The following GALNT14 variants were observed in gnomAD, a reference collection of about 807,000 sequenced individuals.
GALNT14 encodes polypeptide N-acetylgalactosaminyltransferase 14, also known as UDP-GalNAc:polypeptide N-acetylgalactosaminyltransferase 14.
GALNT14 carries 60 observed loss-of-function variants against 77.5 expected under a neutral mutation model. The observed-to-expected ratio is 0.77, with a 90% CI of 0.63 to 0.96. The LOEUF is 0.96. Ranked by LOEUF, GALNT14 falls within the 40% of genes least tolerant of loss-of-function variation. The probability of loss-of-function intolerance (pLI) is 0.00; values close to 1 mark genes in which losing one functional copy is unlikely to be tolerated. For synonymous variants in GALNT14, 280 were observed against 281.7 expected (o/e 0.99, Z 0.06); for missense variants, 710 against 731.0 (o/e 0.97, Z 0.33).
At chr2:30,982,152 G>A (rs1186548515) in intron 2 of GALNT14, among the ~76,000 whole-genome samples, 1 of 152,132 alleles carries the variant, frequency 6.6e-6, no homozygotes, top group African/African-American at 2.4e-5. Context: ...GCAGGGAGAG[G>A]CAAATTTAAA....
chr2:30,990,915 C>T (rs1669658112), intron 2 of GALNT14, among the ~76,000 whole-genome samples: 1 of 152,150 alleles, frequency 6.6e-6, no homozygotes, highest in Admixed American at 6.5e-5. Context: ...GCTGTAATCC[C>T]AGCAGATCAC....
At chr2:31,033,165 C>G (rs1390577469) in intron 1 of GALNT14, among the ~76,000 whole-genome samples, 1 of 152,146 alleles carries the variant, frequency 6.6e-6, no homozygotes, top group Non-Finnish European at 1.5e-5. Flanking sequence ...CTGACAGACA[C>G]CCCAGGGTTT....
At chr2:30,995,768 G>A (rs762180559) in intron 1 of GALNT14, among the ~76,000 whole-genome samples, 2 of 152,134 alleles carry the variant, frequency 1.3e-5, no homozygotes, top group Non-Finnish European at 2.9e-5. Context: ...CCAAAGTGCT[G>A]GGATTACAGG....
the GALNT14 span, among the ~76,000 whole-genome samples, chr2:30,891,246 CT>C: frequency 6.6e-6 from 1 of 152,204 alleles, no homozygotes; most frequent in Non-Finnish European, 1.5e-5. Context: ...GCTCCAGCCA[CT>C]GAGATTCTGA....
chr2:31,032,455 T>C (rs895521451), intron 1 of GALNT14, among the ~76,000 whole-genome samples: 4 of 152,152 alleles, frequency 2.6e-5, no homozygotes, highest in African/African-American at 9.7e-5. Context: ...TATTTTTCAT[T>C]TCCAGGCTGC....
At chr2:31,000,020 A>G (rs997138589) in intron 1 of GALNT14, among the ~76,000 whole-genome samples, 15 of 152,216 alleles carry the variant, frequency 9.9e-5, no homozygotes, top group Non-Finnish European at 1.2e-4. Flanking sequence ...TGGTAAAGCC[A>G]TGGCCTAGCC....
intron 2 of GALNT14, among the ~76,000 whole-genome samples, chr2:30,988,779 A>G (rs1669480273): frequency 6.6e-6 from 1 of 152,194 alleles, no homozygotes; most frequent in African/African-American, 2.4e-5. Flanking sequence ...TCAGATCGCT[A>G]AACTCCACCC....
At chr2:31,074,820 T>C (rs1379486830) in intron 1 of GALNT14, among the ~76,000 whole-genome samples, 2 of 152,128 alleles carry the variant, frequency 1.3e-5, no homozygotes, top group African/African-American at 4.8e-5. Context: ...GTAGAGACAC[T>C]GACTCTCTTG....
At chr2:31,099,332 C>A (rs940142550) in intron 1 of GALNT14, among the ~76,000 whole-genome samples, 2 of 141,224 alleles carry the variant, frequency 1.4e-5, no homozygotes, top group African/African-American at 3.2e-5. Flanking sequence ...CTTTGGAACT[C>A]TTTATTTAAG....
At chr2:31,002,927 A>T (rs1670453246) in intron 1 of GALNT14, among the ~76,000 whole-genome samples, 1 of 152,162 alleles carries the variant, frequency 6.6e-6, no homozygotes, top group Admixed American at 6.5e-5. Flanking sequence ...ATTAGATAAG[A>T]TCTTCATTTT....
intron 1 of GALNT14, among the ~76,000 whole-genome samples, chr2:31,000,828 C>T (rs1414725811): frequency 6.6e-6 from 1 of 152,200 alleles, no homozygotes; most frequent in Admixed American, 6.5e-5. Context: ...GGTTTGGCCA[C>T]ATTGACATAT....
intron 12 of GALNT14, 50 bp downstream of exon 12, chr2:30,924,690 G>C: frequency 6.6e-7 from 1 of 1,516,624 alleles, no homozygotes; most frequent in Non-Finnish European, 9.1e-7. Flanking sequence ...CAAGCCAGCT[G>C]AGGGCCTCTG....
At chr2:31,001,683 C>T (rs929955511) in intron 1 of GALNT14, among the ~76,000 whole-genome samples, 1 of 151,806 alleles carries the variant, frequency 6.6e-6, no homozygotes, top group Non-Finnish European at 1.5e-5. Context: ...GACAAGTCTA[C>T]AATGTAAGAA....
At position 30,924,805 on chromosome 2, in the gene GALNT14, G is replaced by A; in HGVS notation, c.1170C>T (p.Asp390=). Reference sequence around the variant, plus strand: ...TCTGGCAGCGCAGATTCTTCCTCAGGTCCAATCTGCTCTCAACACTGGGGG... The same window carrying A: ...TCTGGCAGCGCAGATTCTTCCTCAGATCCAATCTGCTCTCAACACTGGGGG... ...RPFGNVESRL[D]LRKNLRCQSF... Residue 390 remains aspartate (D), a synonymous_variant, in exon 12 of 15, where the codon GAC becomes GAT. Coordinates refer to ENST00000349752, the MANE Select transcript of GALNT14 (RefSeq NM_024572.4). The A allele has an allele frequency of 6.2e-7, 1 of 1,613,862 alleles. No individual in the cohort carries two copies. The highest frequency in any genetic ancestry group is 1.1e-5 in the South Asian group (1 of 91,026).
intron 1 of GALNT14, among the ~76,000 whole-genome samples, chr2:31,052,609 C>T (rs1673947991): frequency 6.6e-6 from 1 of 152,136 alleles, no homozygotes; most frequent in Non-Finnish European, 1.5e-5. Flanking sequence ...CTCAGCTCAC[C>T]ACTGACCCAG....
the GALNT14 span, among the ~76,000 whole-genome samples, chr2:30,890,740 T>C: frequency 6.6e-6 from 1 of 152,232 alleles, no homozygotes; most frequent in African/African-American, 2.4e-5. Context: ...GTGTTCCTTG[T>C]CTGCATCTCT....
chr2:31,113,649 G>A (rs2148628373), intron 1 of GALNT14, among the ~76,000 whole-genome samples: 1 of 152,290 alleles, frequency 6.6e-6, no homozygotes, highest in East Asian at 1.9e-4. Flanking sequence ...AGCTGAGACT[G>A]CAACACACTG....
chr2:31,137,545 T>C (rs1679278482), intron 1 of GALNT14, among the ~76,000 whole-genome samples: 1 of 152,010 alleles, frequency 6.6e-6, no homozygotes. Flanking sequence ...GCCTGGCAGC[T>C]GCGGGAAGGA....
chr2:31,075,444 G>GCA (rs1675708245), intron 1 of GALNT14, among the ~76,000 whole-genome samples: 1 of 152,184 alleles, frequency 6.6e-6, no homozygotes, highest in South Asian at 2.1e-4. Flanking sequence ...AAGGTTTGTT[G>GCA]ATTGATCTGG....
Sources: gnomAD v4.1 joint callset for allele counts (sites outside exome capture counted in the v4.1 genomes callset) on GRCh38, gnomAD v4.1.1 for gene constraint, MANE v1.5 for transcripts, NCBI Gene and HGNC (gene_info 2026-07-23, HGNC 2026-07-21) for gene names.